Variants in LYRM4 observed in about 807,000 individuals in gnomAD.
LYRM4 encodes the protein LYR motif-containing protein 4.
LYRM4 carries 9 observed loss-of-function variants against 11.7 expected under a neutral mutation model. The observed-to-expected ratio is 0.77, with a 90% confidence interval of 0.46 to 1.34. The LOEUF is 1.34. Ranked by LOEUF, LYRM4 falls within the 40% of genes most tolerant of loss-of-function variation. LYRM4 has a pLI of 0.00. For missense variants in LYRM4, 133 were observed against 112.5 expected (o/e 1.18, Z -0.82); for synonymous variants, 42 against 40.4 (o/e 1.04, Z -0.15).
rs576752227 is a variant in LYRM4, at chr6:5,144,582, G to A, written c.208-35091C>T. On this transcript the variant is annotated intron_variant, in intron 2 of 2. Coordinates refer to ENST00000330636, the MANE Select transcript of LYRM4 (RefSeq NM_020408.6). Reference sequence around the variant, plus strand: ...AACCTGGGAGGTGAGCCGAGATCACGCCACTGCACTCCAGCCTGGGCGACA... The same window carrying A: ...AACCTGGGAGGTGAGCCGAGATCACACCACTGCACTCCAGCCTGGGCGACA... 2.5e-5 allele frequency among the ~76,000 whole-genome samples: 3 copies of A among 119,672 alleles called. No homozygotes were observed. The South Asian group carries it at 8.8e-4, about 35-fold the overall frequency. The allele number at this position is 119,672 out of a possible 152,430, so 78.5% of individuals were successfully genotyped here.
At chr6:5,251,595 G>A (rs1764431645) in intron 1 of LYRM4, among the ~76,000 whole-genome samples, 1 of 152,194 alleles carries the variant, frequency 6.6e-6, no homozygotes, top group South Asian at 2.1e-4. Context: ...TCATTATTGT[G>A]AGGACAGTAC....
Position 5,108,980 on chromosome 6 carries a change from T to A in LYRM4, c.*443A>T. 1 of 1,001,602 alleles carries A rather than the reference T, an allele frequency of 1.0e-6. No homozygotes were observed. 62.0% of individuals were successfully genotyped at this position (1,001,602 alleles called of 1,614,324 possible). A position where few individuals can be genotyped will look rare whatever the true frequency, so the allele number is the denominator to read the frequency against. On this transcript the variant is annotated 3_prime_UTR_variant, in exon 3 of 3. Coordinates refer to ENST00000330636, the MANE Select transcript of LYRM4 (RefSeq NM_020408.6). ...CAGTTCTCGTCTCAGAGTTGAACCC[T>A]CCCTGAGGGCCCCCAACAGCCCTCT...
intron 2 of LYRM4, among the ~76,000 whole-genome samples, chr6:5,141,283 G>A (rs1757393971): frequency 6.6e-6 from 1 of 152,182 alleles, no homozygotes; most frequent in Non-Finnish European, 1.5e-5. Context: ...TAGGTCACAG[G>A]ACTGTAGCCT....
intron 2 of LYRM4, among the ~76,000 whole-genome samples, chr6:5,117,357 C>T (rs555525599): frequency 1.7e-4 from 26 of 152,288 alleles, no homozygotes; most frequent in African/African-American, 6.3e-4. Flanking sequence ...GAGATTGAGA[C>T]CATCCTGGCA....
At chr6:5,041,413 A>G in the LYRM4 span, among the ~76,000 whole-genome samples, 39 of 152,184 alleles carry the variant, frequency 2.6e-4, no homozygotes, top group Non-Finnish European at 5.1e-4. Context: ...TGAAAATAAG[A>G]TGTTCTCTCT....
At chr6:5,044,377 C>T in the LYRM4 span, among the ~76,000 whole-genome samples, 27 of 151,962 alleles carry the variant, frequency 1.8e-4, no homozygotes, top group African/African-American at 4.8e-4. Context: ...GTGATCTGCC[C>T]GCCTCGGCCT....
chr6:5,217,200 C>T (rs1762323050), intron 1 of LYRM4, among the ~76,000 whole-genome samples: 1 of 152,216 alleles, frequency 6.6e-6, no homozygotes, highest in Admixed American at 6.5e-5. Flanking sequence ...ATCGTATTTG[C>T]ATGTACCCAG....
rs544665076 is a variant in LYRM4, at chr6:5,234,264, A to C, written c.87-17526T>G. 2.6e-5 allele frequency among the ~76,000 whole-genome samples: 4 copies of C among 152,358 alleles called. No individual in the cohort carries two copies. In the East Asian group the frequency reaches 7.7e-4, roughly 29 times the overall value. On this transcript the variant is annotated intron_variant, in intron 1 of 2. Coordinates refer to ENST00000330636, the MANE Select transcript of LYRM4 (RefSeq NM_020408.6). Reference sequence around the variant, plus strand: ...ATTCTGTTTGTGTTTAGCATCCCTAAGATGTGGACAAAACAAGGAACTTCT... The same window carrying C: ...ATTCTGTTTGTGTTTAGCATCCCTACGATGTGGACAAAACAAGGAACTTCT...
chr6:5,241,202 G>A (rs1763858600), intron 1 of LYRM4, among the ~76,000 whole-genome samples: 1 of 152,130 alleles, frequency 6.6e-6, no homozygotes, highest in Admixed American at 6.5e-5. Context: ...AAAAAGAGCT[G>A]TTATGATTGT....
At chr6:5,034,755 T>TTTTTTTTTTTTTTG in the LYRM4 span, 2 of 11,688 alleles carry the variant, frequency 1.7e-4, 1 homozygote, top group African/African-American at 3.3e-4. Flanking sequence ...CAGCAATGCT[T>TTTTTTTTTTTTTTG]TTTTTTTTTT....
Position 5,189,098 on chromosome 6 carries a change from C to T in LYRM4, c.207+27520G>A, listed in dbSNP as rs139528874. Among the ~76,000 whole-genome samples the T allele has an allele frequency of 3.4e-3, 515 of 152,308 alleles. 1 individual carries two copies. Among genetic ancestry groups the T allele is most frequent in the Middle Eastern group, 0.017 (5 of 294 alleles). On this transcript the variant is annotated intron_variant, in intron 2 of 2. Coordinates refer to ENST00000330636, the MANE Select transcript of LYRM4 (RefSeq NM_020408.6). ...GACCCAACTATCAATATTAATAGGA[C>T]CCCTTGTCTTGCTGTTTTCCCGTAC...
chr6:5,228,947 C>A (rs34250003), intron 1 of LYRM4, among the ~76,000 whole-genome samples: 2 of 139,956 alleles, frequency 1.4e-5, no homozygotes, highest in Admixed American at 8.1e-5. Flanking sequence ...GAGCTTGCAG[C>A]GAGCCAAGAT....
intron 1 of LYRM4, among the ~76,000 whole-genome samples, chr6:5,217,881 C>G (rs1195707823): frequency 6.6e-6 from 1 of 152,206 alleles, no homozygotes; most frequent in East Asian, 1.9e-4. Context: ...GAGAAGCAGA[C>G]TGAGCCAGGC....
At chr6:5,252,117 T>C (rs1764459107) in intron 1 of LYRM4, among the ~76,000 whole-genome samples, 1 of 152,170 alleles carries the variant, frequency 6.6e-6, no homozygotes, top group African/African-American at 2.4e-5. Context: ...TTACCACTCA[T>C]GAAACTAGGG....
chr6:5,227,528 G>A (rs1377075232), intron 1 of LYRM4, among the ~76,000 whole-genome samples: 2 of 152,186 alleles, frequency 1.3e-5, no homozygotes, highest in East Asian at 3.8e-4. Context: ...CTGTTGGTAG[G>A]AGTGTAAATT....
At chr6:5,078,770 C>T in the LYRM4 span, among the ~76,000 whole-genome samples, 1 of 152,040 alleles carries the variant, frequency 6.6e-6, no homozygotes, top group Non-Finnish European at 1.5e-5. Context: ...AGAACTTGAT[C>T]CCTTCAAGTT....
At chr6:5,212,565 G>A (rs770945014) in intron 2 of LYRM4, among the ~76,000 whole-genome samples, 6 of 152,200 alleles carry the variant, frequency 3.9e-5, no homozygotes, top group African/African-American at 9.7e-5. Flanking sequence ...AGGCAGATAG[G>A]GAAATTAGAT....
At chr6:5,196,597 A>T (rs1305717374) in intron 2 of LYRM4, among the ~76,000 whole-genome samples, 2 of 152,228 alleles carry the variant, frequency 1.3e-5, no homozygotes, top group Non-Finnish European at 2.9e-5. Flanking sequence ...CTCTCCTCAG[A>T]GGAGCTGGGC....
intron 2 of LYRM4, among the ~76,000 whole-genome samples, chr6:5,179,073 A>AAAC (rs1759915549): frequency 1.8e-5 from 1 of 54,796 alleles, no homozygotes; most frequent in African/African-American, 4.2e-5. Flanking sequence ...AACAAAAAAA[A>AAAC]AAAAAAAAAA....
Sources: allele counts gnomAD v4.1 joint callset (sites outside exome capture counted in the v4.1 genomes callset), GRCh38; gene constraint gnomAD v4.1.1; transcripts MANE v1.5; gene names NCBI Gene and HGNC (gene_info 2026-07-23, HGNC 2026-07-21).